Variants in CHST9 observed in about 807,000 individuals in gnomAD.
CHST9 encodes the protein GalNAc-4-sulfotransferase 2.
A neutral mutation model predicts 44.4 loss-of-function variants in CHST9; 41 were observed. The ratio of observed to expected loss-of-function variants is 0.92; its 90% CI spans 0.72 to 1.20. The LOEUF is 1.20. Ranked by LOEUF, CHST9 falls within the 50% of genes most tolerant of loss-of-function variation. The pLI is 0.00. For missense variants in CHST9, 504 were observed against 516.5 expected, an observed-to-expected ratio of 0.98 and a Z score of 0.23; for synonymous variants, 171 against 178.4, an observed-to-expected ratio of 0.96 and a Z score of 0.33.
intron 2 of CHST9, among the ~76,000 whole-genome samples, chr18:27,109,890 G>C (rs529543790): frequency 1.3e-5 from 2 of 152,148 alleles, no homozygotes; most frequent in African/African-American, 4.8e-5. Flanking sequence ...GCACCGTGGA[G>C]AGAAGTTAGG....
intron 4 of CHST9, among the ~76,000 whole-genome samples, chr18:27,015,064 C>T (rs2057135347): frequency 1.3e-5 from 2 of 152,058 alleles, no homozygotes; most frequent in Non-Finnish European, 2.9e-5. Context: ...CCATTTGAGC[C>T]TCTTCCTAAA....
chr18:27,065,834 A>C (rs1224294834), intron 2 of CHST9, among the ~76,000 whole-genome samples: 2 of 152,192 alleles, frequency 1.3e-5, no homozygotes, highest in Non-Finnish European at 2.9e-5. Flanking sequence ...CCATTCTATC[A>C]ATCTTCCAAT....
At chr18:27,118,094 T>C (rs2058344413) in intron 2 of CHST9, among the ~76,000 whole-genome samples, 1 of 152,216 alleles carries the variant, frequency 6.6e-6, no homozygotes, top group Non-Finnish European at 1.5e-5. Flanking sequence ...TCAGTGGGTA[T>C]GCAGTGGTAT....
intron 4 of CHST9, among the ~76,000 whole-genome samples, chr18:26,945,788 T>G (rs1201744476): frequency 4.6e-5 from 7 of 152,208 alleles, no homozygotes; most frequent in Non-Finnish European, 1.0e-4. Context: ...TGTCCAGAAG[T>G]GACATTGCTG....
intron 4 of CHST9, among the ~76,000 whole-genome samples, chr18:27,004,069 A>G (rs926741099): frequency 6.6e-6 from 1 of 152,024 alleles, no homozygotes; most frequent in Non-Finnish European, 1.5e-5. Context: ...CACAAAACAG[A>G]GATAAAAACC....
At chr18:26,934,242 T>TC (rs1310784225) in intron 5 of CHST9, 1 of 151,824 alleles carries the variant, frequency 6.6e-6, no homozygotes, top group Admixed American at 6.6e-5. Context: ...TCTTTCTTTT[T>TC]TTTTTTTTTT....
chr18:27,155,841 A>G (rs1410505795), intron 1 of CHST9, among the ~76,000 whole-genome samples: 1 of 152,140 alleles, frequency 6.6e-6, no homozygotes, highest in Non-Finnish European at 1.5e-5. Context: ...AAATAGTGTT[A>G]TGAGAATCAG....
chr18:27,048,821 T>C (rs1209982534), intron 2 of CHST9, among the ~76,000 whole-genome samples: 2 of 151,124 alleles, frequency 1.3e-5, no homozygotes, highest in Non-Finnish European at 2.9e-5. Context: ...AACAGCTAAA[T>C]AAGACTATGC....
intron 5 of CHST9, chr18:26,928,304 G>A (rs1234721266): frequency 6.6e-6 from 1 of 152,422 alleles, no homozygotes; most frequent in African/African-American, 2.4e-5. Flanking sequence ...AGTGCACCAG[G>A]GGGCCAGAGA....
chr18:27,139,101 T>C (rs73406634), intron 2 of CHST9, among the ~76,000 whole-genome samples: 132 of 152,262 alleles, frequency 8.7e-4, no homozygotes, highest in African/African-American at 3.1e-3. Context: ...TATCAGAGCA[T>C]ATTTCAGATT....
chr18:26,926,696 A>C (rs2055774878), intron 5 of CHST9, among the ~76,000 whole-genome samples: 1 of 152,190 alleles, frequency 6.6e-6, no homozygotes, highest in South Asian at 2.1e-4. Context: ...AACCCAGTAA[A>C]CATTAGTTAG....
chr18:26,994,174 G>A (rs1342606517), intron 4 of CHST9, among the ~76,000 whole-genome samples: 1 of 152,120 alleles, frequency 6.6e-6, no homozygotes, highest in Non-Finnish European at 1.5e-5. Flanking sequence ...AAGGGGTTAG[G>A]AATTCAACAT....
At chr18:27,112,927 C>T (rs1425900769) in intron 2 of CHST9, among the ~76,000 whole-genome samples, 4 of 152,096 alleles carry the variant, frequency 2.6e-5, no homozygotes, top group East Asian at 1.9e-4. Context: ...CGATGGCTCA[C>T]GCCTGTAATC....
intron 1 of CHST9, among the ~76,000 whole-genome samples, chr18:27,150,581 T>A (rs557926388): frequency 6.6e-6 from 1 of 152,318 alleles, no homozygotes; most frequent in East Asian, 1.9e-4. Flanking sequence ...TTTTGTTAGT[T>A]TACTTCTGTT....
chr18:27,142,004 G>T (rs112740058), intron 2 of CHST9, among the ~76,000 whole-genome samples: 1 of 152,146 alleles, frequency 6.6e-6, no homozygotes, highest in African/African-American at 2.4e-5. Flanking sequence ...CAAATTGAAA[G>T]ACAAAAGTAC....
chr18:26,973,931 T>C (rs1252147340), intron 4 of CHST9, among the ~76,000 whole-genome samples: 1 of 152,202 alleles, frequency 6.6e-6, no homozygotes, highest in South Asian at 2.1e-4. Flanking sequence ...TAGATCCTCA[T>C]TAAAAATAAA....
intron 5 of CHST9, among the ~76,000 whole-genome samples, chr18:26,919,195 T>C (rs991685707): frequency 3.9e-5 from 6 of 152,180 alleles, no homozygotes; most frequent in African/African-American, 9.7e-5. Context: ...CAATTCAAGA[T>C]GAGATTTGGG....
At chr18:26,953,366 G>A (rs1410394250) in intron 4 of CHST9, among the ~76,000 whole-genome samples, 1 of 152,136 alleles carries the variant, frequency 6.6e-6, no homozygotes, top group Non-Finnish European at 1.5e-5. Context: ...AGGCAGGTCT[G>A]GGTCAATTGC....
intron 4 of CHST9, among the ~76,000 whole-genome samples, chr18:26,972,568 G>C (rs982364008): frequency 6.6e-6 from 1 of 152,052 alleles, no homozygotes; most frequent in Non-Finnish European, 1.5e-5. Context: ...GATGGGGACC[G>C]ACAGAGTTTG....
Sources: allele counts gnomAD v4.1 joint callset (sites outside exome capture counted in the v4.1 genomes callset), GRCh38; gene constraint gnomAD v4.1.1; transcripts MANE v1.5; gene names NCBI Gene and HGNC (gene_info 2026-07-23, HGNC 2026-07-21).